The following SNX14 variants were observed in gnomAD, a reference collection of about 807,000 sequenced individuals.
The protein encoded by SNX14 is sorting nexin 14.
In SNX14, 93 loss-of-function variants were observed where a neutral mutation model predicts 133.8. That is an observed-to-expected ratio of 0.70 (90% CI 0.59 to 0.83). The LOEUF (loss-of-function observed/expected upper bound fraction) is 0.83, where lower values mean the gene tolerates loss of function less well. Among genes scored for constraint, SNX14 ranks in the 40% least tolerant of loss-of-function variants. The pLI, the probability that SNX14 is intolerant of heterozygous loss-of-function variation, is 0.00. For missense variants in SNX14, 945 were observed against 1,094.9 expected (o/e 0.86, Z 1.93); for synonymous variants, 368 against 365.6 (o/e 1.01, Z -0.07).
chr6:85,536,950 A>G, intron 16 of SNX14, 26 bp from the exon 17 acceptor site: 1 of 1,598,098 alleles, frequency 6.3e-7, no homozygotes, highest in African/African-American at 1.3e-5. Context: ...AAATGTATCA[A>G]GTACATAGCA....
chr6:85,531,445 G>A (rs1052961831), intron 18 of SNX14, among the ~76,000 whole-genome samples: 23 of 152,098 alleles, frequency 1.5e-4, no homozygotes, highest in African/African-American at 4.8e-4. Context: ...GCAGTAGATC[G>A]AGTGAACCAA....
chr6:85,506,025 A>G lies in SNX14; in HGVS notation c.2803-20T>C, dbSNP rs1770510867. 2 of 1,517,958 alleles carry G rather than the reference A, an allele frequency of 1.3e-6. No homozygotes were observed. The highest frequency in any genetic ancestry group is 9.1e-7 in the Non-Finnish European group (1 of 1,093,624). The allele number at this position is 1,517,958 out of a possible 1,614,324, so 94.0% of individuals were successfully genotyped here. A position where few individuals can be genotyped will look rare whatever the true frequency, so the allele number is the denominator to read the frequency against. On this transcript the variant is annotated intron_variant, in intron 28 of 28. Coordinates refer to ENST00000314673, the MANE Select transcript of SNX14 (RefSeq NM_153816.6). ...TTGTACCTAAAGTAAAAATAAATCC[A>G]TTTAATAGAAGACAAGACACAGGTT...
intron 26 of SNX14, among the ~76,000 whole-genome samples, chr6:85,509,783 T>A (rs902302165): frequency 6.6e-6 from 1 of 152,182 alleles, no homozygotes; most frequent in African/African-American, 2.4e-5. Context: ...TAGAGTAGTT[T>A]CACTGCCCCA....
At chr6:85,569,193 C>G (rs532616424) in intron 4 of SNX14, among the ~76,000 whole-genome samples, 14 of 152,264 alleles carry the variant, frequency 9.2e-5, no homozygotes, top group Admixed American at 3.9e-4. Context: ...AACTCCCGAC[C>G]TTAGGTGATC....
At chr6:85,526,884 C>T (rs954789362) in intron 20 of SNX14, among the ~76,000 whole-genome samples, 1 of 152,134 alleles carries the variant, frequency 6.6e-6, no homozygotes, top group African/African-American at 2.4e-5. Context: ...GCCTAGCCAA[C>T]ATGGCAAAAC....
chr6:85,565,528 TTTTTC>T, intron 5 of SNX14, 109 bp from the exon 6 acceptor site: 1 of 684,800 alleles, frequency 1.5e-6, no homozygotes, highest in African/African-American at 1.9e-5. Context: ...GCTACTTTCT[TTTTTC>T]ATTTACAAAT....
chr6:85,569,051 C>T (rs1191380498), intron 4 of SNX14, among the ~76,000 whole-genome samples: 2 of 152,034 alleles, frequency 1.3e-5, no homozygotes, highest in East Asian at 3.9e-4. Flanking sequence ...CCTCAACCTC[C>T]ACCTCCAGGG....
chr6:85,579,141 A>C (rs1798267477), intron 1 of SNX14, among the ~76,000 whole-genome samples: 2 of 152,256 alleles, frequency 1.3e-5, no homozygotes, highest in South Asian at 4.1e-4. Flanking sequence ...CCGTCTAAAA[A>C]AAAAAAGATT....
intron 12 of SNX14, among the ~76,000 whole-genome samples, chr6:85,544,936 G>A (rs1784995039): frequency 6.6e-6 from 1 of 152,176 alleles, no homozygotes; most frequent in African/African-American, 2.4e-5. Flanking sequence ...AAAAATGAAT[G>A]TGTGTGTGCA....
At chr6:85,519,961 T>C (rs1287635131) in intron 21 of SNX14, among the ~76,000 whole-genome samples, 1 of 151,994 alleles carries the variant, frequency 6.6e-6, no homozygotes, top group Non-Finnish European at 1.5e-5. Context: ...CTAAAAACCA[T>C]AATGAATACA....
chr6:85,538,289 G>C (rs748624703), intron 16 of SNX14, among the ~76,000 whole-genome samples: 9 of 151,854 alleles, frequency 5.9e-5, no homozygotes, highest in Non-Finnish European at 1.0e-4. Context: ...ATCCAGAATT[G>C]TAGACACAAT....
rs560290510 is a variant in SNX14 at position 85,548,273 on chromosome 6, C to T, written c.867+28G>A. ...ATGTTATATTAAGTGTAATTTGTAA[C>T]AATTTAAAAAAAAATCTTAAGTCTT... On this transcript the variant is annotated intron_variant, in intron 9 of 28. Coordinates refer to ENST00000314673, the MANE Select transcript of SNX14 (RefSeq NM_153816.6). The T allele has an allele frequency of 1.6e-4, 248 of 1,520,512 alleles. 2 individuals carry two copies. In the South Asian group the frequency reaches 2.6e-3, roughly 16 times the overall value. The allele number at this position is 1,520,512 out of a possible 1,614,324, so 94.2% of individuals were successfully genotyped here.
At chr6:85,507,362 A>ATCTTT in intron 27 of SNX14, 73 bp from the exon 28 acceptor site, 2 of 1,275,940 alleles carry the variant, frequency 1.6e-6, no homozygotes, top group Non-Finnish European at 2.2e-6. Context: ...GATACACACA[A>ATCTTT]AATTAAAGAT....
chr6:85,507,889 CTAA>C (rs921216083), intron 27 of SNX14, 76 bp downstream of exon 27: 16 of 1,067,988 alleles, frequency 1.5e-5, no homozygotes, highest in Non-Finnish European at 1.8e-5. Flanking sequence ...ATTTATACAA[CTAA>C]TGAGTTACCA....
At chr6:85,559,224 G>A (rs1410773253) in intron 6 of SNX14, among the ~76,000 whole-genome samples, 2 of 151,892 alleles carry the variant, frequency 1.3e-5, no homozygotes, top group East Asian at 3.9e-4. Context: ...AGTAAGAGGC[G>A]ATATTTTTGC....
intron 4 of SNX14, among the ~76,000 whole-genome samples, chr6:85,570,516 A>G (rs1795194268): frequency 6.6e-6 from 1 of 152,204 alleles, no homozygotes; most frequent in Non-Finnish European, 1.5e-5. Flanking sequence ...TATTTAACCC[A>G]ACACATCCAA....
At chr6:85,541,903 C>T (rs1297276229) in intron 15 of SNX14, 82 bp downstream of exon 15, 1 of 1,039,048 alleles carries the variant, frequency 9.6e-7, no homozygotes, top group African/African-American at 1.6e-5. Context: ...CATATTCATT[C>T]AGAAAAATAG....
chr6:85,592,841 A>T (rs1480557405), intron 1 of SNX14, among the ~76,000 whole-genome samples: 5 of 151,392 alleles, frequency 3.3e-5, no homozygotes, highest in Admixed American at 6.6e-5. Context: ...AAAAAAAAAA[A>T]AATACAAAAA....
At chr6:85,562,891 T>C (rs1013291482) in intron 6 of SNX14, among the ~76,000 whole-genome samples, 6 of 152,088 alleles carry the variant, frequency 3.9e-5, no homozygotes, top group Admixed American at 1.3e-4. Context: ...GCCTGGAGTA[T>C]AGATTTTTTT....
Sources: gnomAD v4.1 joint callset for allele counts (sites outside exome capture counted in the v4.1 genomes callset) on GRCh38, gnomAD v4.1.1 for gene constraint, MANE v1.5 for transcripts, NCBI Gene and HGNC (gene_info 2026-07-23, HGNC 2026-07-21) for gene names.